Variants in CCDC134 observed in about 807,000 individuals in gnomAD.
CCDC134 encodes the protein coiled-coil domain-containing protein 134.
CCDC134 carries 27 observed loss-of-function variants against 25.6 expected under a neutral mutation model. The observed-to-expected ratio is 1.05, with a 90% CI of 0.78 to 1.45. The LOEUF is 1.45. Ranked by LOEUF, CCDC134 falls within the 40% of genes most tolerant of loss-of-function variation. The pLI, the probability that CCDC134 is intolerant of heterozygous loss-of-function variation, is 0.00. For synonymous variants in CCDC134, 110 were observed against 115.0 expected (o/e 0.96, Z 0.28); for missense variants, 261 against 286.7 (o/e 0.91, Z 0.65).
intron 1 of CCDC134, among the ~76,000 whole-genome samples, chr22:41,807,140 C>A (rs1170399802): frequency 6.6e-6 from 1 of 152,148 alleles, no homozygotes; most frequent in Non-Finnish European, 1.5e-5. Context: ...TTAAATGGAA[C>A]AATTCAGACA....
At position 41,827,565 on chromosome 22, in the gene CCDC134, T is replaced by TA. The variant is rs2076685563; in HGVS notation, c.*1743dup. ...GAGCATAGGGACTCAAGGGGCCCGTTACAGAATTTTTGGGAGTAAATACCC... is the reference window on the plus strand; with the variant it reads ...GAGCATAGGGACTCAAGGGGCCCGTTAACAGAATTTTTGGGAGTAAATACCC... On this transcript the variant is annotated 3_prime_UTR_variant, in exon 7 of 7. Transcript: ENST00000255784. 6.6e-6 allele frequency among the ~76,000 whole-genome samples: 1 copy of TA among 152,220 alleles called. No homozygotes were observed. Among genetic ancestry groups the TA allele is most frequent in the African/African-American group, 2.4e-5 (1 of 41,444 alleles).
At chr22:41,804,821 G>A (rs1315590185) in intron 1 of CCDC134, among the ~76,000 whole-genome samples, 3 of 151,746 alleles carry the variant, frequency 2.0e-5, no homozygotes, top group Admixed American at 1.3e-4. Context: ...TGTAATCTCA[G>A]TACATTGGGA....
intron 1 of CCDC134, among the ~76,000 whole-genome samples, chr22:41,803,044 G>A (rs2076551462): frequency 6.6e-6 from 1 of 152,176 alleles, no homozygotes; most frequent in Non-Finnish European, 1.5e-5. Flanking sequence ...AACCTGGGAA[G>A]TGGAGGTTGC....
chr22:41,804,687 T>C (rs976358168), intron 1 of CCDC134, among the ~76,000 whole-genome samples: 12 of 152,222 alleles, frequency 7.9e-5, no homozygotes, highest in African/African-American at 2.7e-4. Context: ...GCTGGGAATC[T>C]TTGAAGGCAG....
intron 6 of CCDC134, among the ~76,000 whole-genome samples, chr22:41,822,342 G>T (rs1422941910): frequency 2.6e-5 from 4 of 152,200 alleles, no homozygotes; most frequent in Non-Finnish European, 5.9e-5. Context: ...GGAGGCACAG[G>T]GAGGTACAGT....
rs2076706192 is a variant in CCDC134, at chr22:41,831,133, ACCTCAG to A, written c.*5315_*5320del. ...ACTCCCGACCTCAGGCAATCCGCCC[ACCTCAG>A]CCTCCCAAAGTGCTGGGATTACAGG... On this transcript the variant is annotated 3_prime_UTR_variant, in exon 7 of 7. Coordinates refer to ENST00000255784, the MANE Select transcript of CCDC134 (RefSeq NM_024821.5). 6.6e-6 allele frequency: 1 copy of A among 151,750 alleles called. No individual in the cohort carries two copies. The highest frequency in any genetic ancestry group is 2.4e-5 in the African/African-American group (1 of 41,346). The allele number at this position is 151,750 out of a possible 1,614,324, so 9.4% of individuals were successfully genotyped here.
intron 6 of CCDC134, among the ~76,000 whole-genome samples, chr22:41,820,779 C>T (rs771993720): frequency 7.9e-5 from 12 of 152,012 alleles, no homozygotes; most frequent in Admixed American, 2.0e-4. Context: ...TTTTTCTGCA[C>T]CTGGTGAACA....
At chr22:41,823,184 C>T (rs1417153374) in intron 6 of CCDC134, among the ~76,000 whole-genome samples, 1 of 150,606 alleles carries the variant, frequency 6.6e-6, no homozygotes, top group Non-Finnish European at 1.5e-5. Context: ...AGTTAAGTTA[C>T]TACAGCATAT....
In CCDC134 at chr22:41,817,364, A is replaced by T. The variant is rs968479207; in HGVS notation, c.564+3542A>T. Among the ~76,000 whole-genome samples the T allele has an allele frequency of 4.6e-5, 7 of 152,190 alleles. 1 individual carries two copies. The highest frequency in any genetic ancestry group is 3.3e-4 in the Admixed American group (5 of 15,266). On this transcript the variant is annotated intron_variant, in intron 6 of 6. Transcript: ENST00000255784. ...TCAGAGATTGAGCTTTATGATGGGC[A>T]TCTAAACGAGTGAGCCAGGCTGTCT... is the stretch of plus-strand genomic sequence containing the variant.
intron 1 of CCDC134, among the ~76,000 whole-genome samples, chr22:41,806,647 C>G (rs1443940432): frequency 6.6e-6 from 1 of 152,100 alleles, no homozygotes. Flanking sequence ...AAATCTTAAC[C>G]CTTTCATAGC....
Position 41,821,090 on chromosome 22 carries a change from G to A in CCDC134, c.565-4608G>A, listed in dbSNP as rs151155874. On this transcript the variant is annotated intron_variant, in intron 6 of 6. Coordinates refer to ENST00000255784, the MANE Select transcript of CCDC134 (RefSeq NM_024821.5). ...TTCCCAGAGGCCACATGAGGAAAGC[G>A]TTAGAAGTAGGGAGGGAGCGATCGG... Among the ~76,000 whole-genome samples the A allele has an allele frequency of 1.2e-3, 185 of 152,298 alleles. 2 individuals are homozygous for A. The highest frequency in any genetic ancestry group is 4.3e-3 in the African/African-American group (178 of 41,558).
intron 5 of CCDC134, 140 bp downstream of exon 5, chr22:41,813,585 G>T: frequency 8.2e-7 from 1 of 1,225,386 alleles, no homozygotes. Flanking sequence ...TTGGGCCACA[G>T]AGGCCCCATT....
chr22:41,814,052 G>T (rs957933941), intron 6 of CCDC134, among the ~76,000 whole-genome samples: 3 of 152,216 alleles, frequency 2.0e-5, no homozygotes, highest in Admixed American at 6.5e-5. Flanking sequence ...GTTATGGGGG[G>T]TAGTTAGGAG....
In CCDC134 at chr22:41,830,729, C is replaced by T. The variant is rs2076701782; in HGVS notation, c.*4906C>T. On this transcript the variant is annotated 3_prime_UTR_variant, in exon 7 of 7. Transcript: ENST00000255784. ...ATTATAAAACGTAATTTAAGCAATACTGAAATGCCAAAAAGAAAGTAAAAT... is the reference window on the plus strand; with the variant it reads ...ATTATAAAACGTAATTTAAGCAATATTGAAATGCCAAAAAGAAAGTAAAAT... Among the ~76,000 whole-genome samples the T allele has an allele frequency of 6.6e-6, 1 of 152,104 alleles. No homozygotes were observed.
chr22:41,803,597 G>A (rs1449804666), intron 1 of CCDC134, among the ~76,000 whole-genome samples: 1 of 151,762 alleles, frequency 6.6e-6, no homozygotes, highest in South Asian at 2.1e-4. Context: ...ATGAAACCTC[G>A]TCTCTACAAA....
intron 1 of CCDC134, among the ~76,000 whole-genome samples, chr22:41,804,988 TG>T (rs2076561248): frequency 6.6e-6 from 1 of 152,206 alleles, no homozygotes; most frequent in Admixed American, 6.5e-5. Flanking sequence ...AAGAATCACT[TG>T]AACCTGGGAG....
At chr22:41,819,713 A>G (rs1000826319) in intron 6 of CCDC134, among the ~76,000 whole-genome samples, 6 of 151,972 alleles carry the variant, frequency 3.9e-5, no homozygotes, top group Non-Finnish European at 5.9e-5. Flanking sequence ...GCTATTTCAC[A>G]TGGCCTGGGT....
At chr22:41,817,205 T>C (rs1464486166) in intron 6 of CCDC134, among the ~76,000 whole-genome samples, 3 of 152,136 alleles carry the variant, frequency 2.0e-5, no homozygotes, top group African/African-American at 4.8e-5. Context: ...ACCAGAAATA[T>C]ACAGTCCTCT....
intron 5 of CCDC134, 86 bp from the exon 6 acceptor site, chr22:41,813,665 T>C: frequency 7.0e-7 from 1 of 1,430,806 alleles, no homozygotes; most frequent in South Asian, 1.2e-5. Context: ...AAGTCAGGAG[T>C]CTGGGTCCCA....
Sources: allele counts gnomAD v4.1 joint callset (sites outside exome capture counted in the v4.1 genomes callset), GRCh38; gene constraint gnomAD v4.1.1; transcripts MANE v1.5; gene names NCBI Gene and HGNC (gene_info 2026-07-23, HGNC 2026-07-21).